MTUS2: variants seen among roughly 807,000 people sequenced by gnomAD.
MTUS2 encodes microtubule-associated tumor suppressor candidate 2.
A neutral mutation model predicts 114.1 loss-of-function variants in MTUS2; 40 were observed. The observed-to-expected ratio is 0.35, with a 90% CI of 0.27 to 0.46. MTUS2 has a LOEUF of 0.46. Ranked by LOEUF, MTUS2 falls within the 20% of genes least tolerant of loss-of-function variation. The pLI is 1.00. For synonymous variants in MTUS2, 688 were observed against 672.0 expected, an observed-to-expected ratio of 1.02 and a Z score of -0.37; for missense variants, 1,679 against 1,705.4, an observed-to-expected ratio of 0.98 and a Z score of 0.27.
intron 5 of MTUS2, among the ~76,000 whole-genome samples, chr13:29,201,477 T>A (rs1364955700): frequency 6.6e-6 from 1 of 152,206 alleles, no homozygotes; most frequent in African/African-American, 2.4e-5. Flanking sequence ...TCAGTCTGTG[T>A]CTTTTAATTG....
intron 6 of MTUS2, chr13:29,307,040 G>A (rs1441882358): frequency 3.8e-6 from 2 of 520,440 alleles, no homozygotes; most frequent in Non-Finnish European, 7.5e-6. Flanking sequence ...ATCAAATGGG[G>A]TGATGCTGGC....
At position 29,190,392 on chromosome 13, in the gene MTUS2, C is replaced by G. The variant is rs561295430; in HGVS notation, c.2644+89422C>G. ...AGGCAAAGAAAACCTAAGACACCTG[C>G]CCACATTTATAAAGCTGGCAAGTGG... On this transcript the variant is annotated intron_variant, in intron 5 of 15. Coordinates refer to ENST00000612955, the MANE Select transcript of MTUS2 (RefSeq NM_001033602.4). Among the ~76,000 whole-genome samples the G allele has an allele frequency of 2.0e-5, 3 of 152,332 alleles. No individual in the cohort carries two copies. In the East Asian group the frequency reaches 5.8e-4, roughly 29 times the overall value.
At chr13:28,930,125 G>A (rs1805029269) in intron 2 of MTUS2, among the ~76,000 whole-genome samples, 1 of 152,174 alleles carries the variant, frequency 6.6e-6, no homozygotes, top group Non-Finnish European at 1.5e-5. Flanking sequence ...GTAGGCCACA[G>A]TCTTTCATTT....
intron 5 of MTUS2, among the ~76,000 whole-genome samples, chr13:29,140,196 G>C (rs1892160251): frequency 6.6e-6 from 1 of 152,090 alleles, no homozygotes; most frequent in Non-Finnish European, 1.5e-5. Context: ...TCTTAAATGA[G>C]GAGAATATCT....
chr13:29,435,505 C>T (rs182635441), intron 8 of MTUS2, among the ~76,000 whole-genome samples: 52 of 152,222 alleles, frequency 3.4e-4, no homozygotes, highest in African/African-American at 1.1e-3. Flanking sequence ...GAGATCCTTT[C>T]CAAGGGAGTC....
At chr13:29,258,652 TTTGTTC>T (rs1897360510) in intron 5 of MTUS2, among the ~76,000 whole-genome samples, 1 of 152,242 alleles carries the variant, frequency 6.6e-6, no homozygotes, top group Non-Finnish European at 1.5e-5. Flanking sequence ...AGCCCAGGAT[TTTGTTC>T]TATCTGCTGC....
chr13:29,452,038 C>T (rs1379502937), intron 9 of MTUS2, among the ~76,000 whole-genome samples: 1 of 152,146 alleles, frequency 6.6e-6, no homozygotes, highest in Non-Finnish European at 1.5e-5. Context: ...AAATTTCAAA[C>T]CAGTGATGTC....
At chr13:29,202,312 T>C (rs1037504945) in intron 5 of MTUS2, among the ~76,000 whole-genome samples, 3 of 152,232 alleles carry the variant, frequency 2.0e-5, no homozygotes, top group African/African-American at 7.2e-5. Context: ...TTGAAACTTA[T>C]GTATGTTTCA....
intron 5 of MTUS2, among the ~76,000 whole-genome samples, chr13:29,174,844 C>G (rs902616415): frequency 1.3e-5 from 2 of 152,194 alleles, no homozygotes; most frequent in Non-Finnish European, 2.9e-5. Context: ...TTCCTTGAGA[C>G]TTACATTTTA....
chr13:29,089,334 A>G (rs2475532), intron 4 of MTUS2, among the ~76,000 whole-genome samples: 98,287 of 152,070 alleles, frequency 0.65, 32,855 homozygotes, highest in Non-Finnish European at 0.74. Context: ...TGTTAAGCTG[A>G]TGGAGTTTCC....
intron 6 of MTUS2, among the ~76,000 whole-genome samples, chr13:29,322,576 A>T (rs961636317): frequency 6.6e-6 from 1 of 152,166 alleles, no homozygotes; most frequent in African/African-American, 2.4e-5. Flanking sequence ...TGAGGATAGA[A>T]TAGATTGTTG....
rs533221376 is a variant in MTUS2 at position 29,222,321 on chromosome 13, T to C, written c.2645-59383T>C. On this transcript the variant is annotated intron_variant, in intron 5 of 15. Coordinates refer to ENST00000612955, the MANE Select transcript of MTUS2 (RefSeq NM_001033602.4). ...AATTTTTATAATTTTAGCATAAATT[T>C]TGAGATCTGGCAGGGAGATTTCTGC... Among the ~76,000 whole-genome samples the C allele has an allele frequency of 5.9e-5, 9 of 152,330 alleles. No homozygotes were observed. In the South Asian group the frequency reaches 1.9e-3, roughly 32 times the overall value.
chr13:29,415,713 A>G (rs910436818), intron 8 of MTUS2, among the ~76,000 whole-genome samples: 2 of 152,228 alleles, frequency 1.3e-5, no homozygotes, highest in Middle Eastern at 3.4e-3. Context: ...TATAGCTGAT[A>G]TGTTTGGTCT....
At chr13:28,903,441 GTGTGA>G (rs1461757948) in intron 2 of MTUS2, among the ~76,000 whole-genome samples, 2 of 125,056 alleles carry the variant, frequency 1.6e-5, no homozygotes, top group Non-Finnish European at 3.2e-5. Flanking sequence ...AGGCCCTGGT[GTGTGA>G]TGTTCCCCTT....
intron 5 of MTUS2, among the ~76,000 whole-genome samples, chr13:29,107,104 T>A (rs1052364023): frequency 6.6e-6 from 1 of 152,158 alleles, no homozygotes; most frequent in Non-Finnish European, 1.5e-5. Context: ...GCAGATTCTA[T>A]CACTTTTAGG....
chr13:29,199,580 G>C (rs923387108), intron 5 of MTUS2, among the ~76,000 whole-genome samples: 1 of 152,106 alleles, frequency 6.6e-6, no homozygotes, highest in Non-Finnish European at 1.5e-5. Context: ...TGTTCTGTGG[G>C]GTTCAGTTTG....
At position 29,320,312 on chromosome 13, in the gene MTUS2, A is replaced by G. The variant is rs148886407; in HGVS notation, c.2807-4301A>G. The stretch of plus-strand genomic sequence containing the variant: ...CGGACTCTCCCCTGGAGAGTCTAGA[A>G]GGCACCAGCCTGGCCGACCCCTTGG... On this transcript the variant is annotated intron_variant, in intron 6 of 15. Transcript: ENST00000612955. 4.7e-3 allele frequency among the ~76,000 whole-genome samples: 720 copies of G among 152,278 alleles called. 6 individuals are homozygous for G. The highest frequency in any genetic ancestry group is 0.017 in the African/African-American group (686 of 41,570).
chr13:29,242,893 G>A (rs1487563650), intron 5 of MTUS2, among the ~76,000 whole-genome samples: 1 of 152,192 alleles, frequency 6.6e-6, no homozygotes, highest in Admixed American at 6.5e-5. Context: ...AGATTAAACT[G>A]GTTCAGAGAG....
intron 9 of MTUS2, among the ~76,000 whole-genome samples, chr13:29,441,446 G>C (rs1394247759): frequency 1.3e-5 from 2 of 152,146 alleles, no homozygotes; most frequent in Admixed American, 6.6e-5. Flanking sequence ...TCTATTTGTT[G>C]GGTATCACCC....
Sources: allele counts gnomAD v4.1 joint callset (sites outside exome capture counted in the v4.1 genomes callset), GRCh38; gene constraint gnomAD v4.1.1; transcripts MANE v1.5; gene names NCBI Gene and HGNC (gene_info 2026-07-23, HGNC 2026-07-21).